MAST4: variants seen among roughly 807,000 people sequenced by gnomAD.
The protein encoded by MAST4 is microtubule-associated serine/threonine-protein kinase 4.
A neutral mutation model predicts 162.7 loss-of-function variants in MAST4; 89 were observed. That is an observed-to-expected ratio of 0.55 (90% confidence interval 0.46 to 0.65). The LOEUF (loss-of-function observed/expected upper bound fraction) is 0.65, where lower values mean the gene tolerates loss of function less well. Ranked by LOEUF, MAST4 falls within the 30% of genes least tolerant of loss-of-function variation. The pLI, the probability that MAST4 is intolerant of heterozygous loss-of-function variation, is 0.00. For missense variants in MAST4, 3,153 were observed against 3,374.0 expected, an observed-to-expected ratio of 0.93 and a Z score of 1.62; for synonymous variants, 1,479 against 1,361.1, an observed-to-expected ratio of 1.09 and a Z score of -1.91.
intron 4 of MAST4, chr5:66,917,082 C>T: frequency 2.8e-6 from 2 of 715,630 alleles, no homozygotes; most frequent in South Asian, 3.0e-5. Context: ...TCACCTTCAC[C>T]CATAAGAATG....
At chr5:66,867,116 T>C (rs1395706847) in intron 3 of MAST4, among the ~76,000 whole-genome samples, 2 of 152,148 alleles carry the variant, frequency 1.3e-5, no homozygotes, top group Non-Finnish European at 2.9e-5. Context: ...CCCTCAAATA[T>C]ATGCTCCGAT....
chr5:67,039,366 A>ACTTCCATGT (rs1300624188), intron 4 of MAST4, among the ~76,000 whole-genome samples: 1 of 152,192 alleles, frequency 6.6e-6, no homozygotes, highest in African/African-American at 2.4e-5. Flanking sequence ...GCTTAGCAGT[A>ACTTCCATGT]CTTCCATGTG....
intron 4 of MAST4, among the ~76,000 whole-genome samples, chr5:67,035,816 A>G (rs1001215135): frequency 6.6e-6 from 1 of 152,172 alleles, no homozygotes; most frequent in Non-Finnish European, 1.5e-5. Context: ...TGTTACTCAC[A>G]TGGTTAGCTA....
At chr5:66,648,563 G>T (rs905832333) in intron 1 of MAST4, among the ~76,000 whole-genome samples, 1 of 151,680 alleles carries the variant, frequency 6.6e-6, no homozygotes, top group Non-Finnish European at 1.5e-5. Context: ...CATTCCTATT[G>T]AGTTTTTTAC....
At chr5:67,073,599 A>G (rs1273937498) in intron 5 of MAST4, among the ~76,000 whole-genome samples, 2 of 152,244 alleles carry the variant, frequency 1.3e-5, no homozygotes, top group Non-Finnish European at 1.5e-5. Flanking sequence ...CAATTAGCCA[A>G]ATAAATCAGT....
intron 4 of MAST4, among the ~76,000 whole-genome samples, chr5:66,936,970 G>T (rs1208749361): frequency 6.6e-6 from 1 of 151,992 alleles, no homozygotes; most frequent in Non-Finnish European, 1.5e-5. Context: ...ACTACAGTGC[G>T]GCTTTAATTA....
In MAST4 at chr5:67,166,669, C is replaced by T. The variant is rs759764605; in HGVS notation, c.7490C>T (p.Pro2497Leu). 2.0e-5 allele frequency: 32 copies of T among 1,597,324 alleles called. No individual in the cohort carries two copies. The highest frequency in any genetic ancestry group is 1.6e-4 in the Middle Eastern group (1 of 6,062). ...GGGGGCATGCTGGAGCTTCCAGCCC[C>T]CAGCAACAGGGACCATAGGAAGGCT... ...AAGGMLELPA[P>L]SNRDHRKAQP... The change falls in exon 29 of 29, where the codon CCC becomes CTC. Residue 2497 changes from proline to leucine, a missense_variant. Around this residue, in one of 7 missense-constraint regions of MAST4, gnomAD observed 1,644 missense variants for 1,495.0 expected, o/e 1.10. Transcript: ENST00000403625.
chr5:67,000,756 A>AGGG (rs71610548), intron 4 of MAST4, among the ~76,000 whole-genome samples: 20,940 of 139,078 alleles, frequency 0.15, 1,689 homozygotes, highest in Non-Finnish European at 0.2. Flanking sequence ...CTAAAAAAAA[A>AGGG]GGGGGGGGGT....
chr5:66,994,493 C>T (rs1212626491), intron 4 of MAST4, among the ~76,000 whole-genome samples: 1 of 152,190 alleles, frequency 6.6e-6, no homozygotes, highest in African/African-American at 2.4e-5. Flanking sequence ...TTGTCACTCA[C>T]CTGTCACTAT....
chr5:67,119,249 A>C (rs1244767585), intron 13 of MAST4, among the ~76,000 whole-genome samples: 1 of 151,932 alleles, frequency 6.6e-6, no homozygotes, highest in South Asian at 2.1e-4. Flanking sequence ...TTATGGCTTG[A>C]AAAAAAATCA....
In MAST4 at chr5:67,145,299, C is replaced by T. The variant is rs778015811; in HGVS notation, c.3014C>T (p.Ala1005Val). The change falls in exon 23 of 29, where the codon GCC (alanine) becomes GTC (valine). Residue 1005 changes from alanine (A) to valine (V), a missense_variant. Ala to Val is a moderately conservative substitution (Grantham distance 64, BLOSUM62 0). This residue lies in a region of MAST4 where 619 missense variants were observed against 744.2 expected (regional missense o/e 0.83). Transcript: ENST00000403625. ...CCCCATGAGGAGCCAGGAAAGCCAG[C>T]CCTTCCTCCTGAAGAGTGTGCCCAG... ...GDPHEEPGKPALPPEECAQEE... is the reference protein window; with the variant it reads ...GDPHEEPGKPVLPPEECAQEE... The T allele has an allele frequency of 3.1e-6, 5 of 1,613,882 alleles. No homozygotes were observed. In the South Asian group the frequency reaches 4.4e-5, roughly 14 times the overall value.
At chr5:66,624,146 G>GTTTTTTTTCTTTTTT in intron 1 of MAST4, among the ~76,000 whole-genome samples, 1 of 90,128 alleles carries the variant, frequency 1.1e-5, no homozygotes. Context: ...TTGTTAAAAT[G>GTTTTTTTTCTTTTTT]TTTTTTTTTT....
chr5:66,821,544 T>C (rs534951895), intron 3 of MAST4, among the ~76,000 whole-genome samples: 2 of 152,314 alleles, frequency 1.3e-5, no homozygotes, highest in African/African-American at 4.8e-5. Flanking sequence ...TAATGAATAG[T>C]AAATATTCCT....
At chr5:66,935,091 G>C (rs915601640) in intron 4 of MAST4, among the ~76,000 whole-genome samples, 1 of 152,166 alleles carries the variant, frequency 6.6e-6, no homozygotes, top group Non-Finnish European at 1.5e-5. Flanking sequence ...TTTCGTGAGA[G>C]AGTGTATCAA....
At position 67,145,321 on chromosome 5, in the gene MAST4, C is replaced by G. The variant is rs78130987; in HGVS notation, c.3036C>G (p.Ala1012=). The G allele has an allele frequency of 1.3e-3, 2,103 of 1,613,632 alleles. 8 individuals carry two copies. Among genetic ancestry groups the G allele is most frequent in the Middle Eastern group, 3.8e-3 (22 of 5,832 alleles). The change falls in exon 23 of 29, where the codon GCC becomes GCG. Residue 1012 remains alanine (A), a synonymous_variant. Coordinates refer to ENST00000403625, the MANE Select transcript of MAST4 (RefSeq NM_001164664.2). The stretch of plus-strand genomic sequence containing the variant: ...CAGCCCTTCCTCCTGAAGAGTGTGC[C>G]CAGGAGGAGCCTGAGGTCACCACCC... ...GKPALPPEEC[A]QEEPEVTTPA...
chr5:66,720,421 G>A (rs1470703385), intron 1 of MAST4, among the ~76,000 whole-genome samples: 2 of 152,016 alleles, frequency 1.3e-5, no homozygotes, highest in African/African-American at 2.4e-5. Flanking sequence ...ATTTTTCAGA[G>A]TCTACTTTGT....
Position 66,759,858 on chromosome 5 carries a change from G to T in MAST4, c.513G>T (p.Leu171=). The T allele has an allele frequency of 1.2e-6, 2 of 1,613,850 alleles. No individual in the cohort carries two copies. The highest frequency in any genetic ancestry group is 1.7e-4 in the Middle Eastern group (1 of 6,060). ...GGCGAGGGAGCCTGGGAGGAGCCCT[G>T]ACTGGTGAGTCGCAGCGGCTTGGAT... ...QLRRGSLGGA[L]TGRYLLPNPV... Residue 171 remains leucine, a synonymous_variant, in exon 2 of 29, where the codon CTG becomes CTT. Coordinates refer to ENST00000403625, the MANE Select transcript of MAST4 (RefSeq NM_001164664.2).
At chr5:66,730,469 A>G (rs1751772967) in intron 1 of MAST4, among the ~76,000 whole-genome samples, 1 of 152,136 alleles carries the variant, frequency 6.6e-6, no homozygotes, top group Admixed American at 6.6e-5. Context: ...GGTTGTTCGC[A>G]TTGTGTAAAT....
At chr5:67,031,279 C>G (rs1755284499) in intron 4 of MAST4, among the ~76,000 whole-genome samples, 1 of 152,112 alleles carries the variant, frequency 6.6e-6, no homozygotes, top group African/African-American at 2.4e-5. Flanking sequence ...GGGCATTTCC[C>G]AGAGTTGATG....
Sources: allele counts gnomAD v4.1 joint callset (sites outside exome capture counted in the v4.1 genomes callset), GRCh38; gene constraint gnomAD v4.1.1; regional missense constraint gnomAD v4.1.1; transcripts MANE v1.5; gene names NCBI Gene and HGNC (gene_info 2026-07-23, HGNC 2026-07-21).